Variants in ABHD18 observed in about 807,000 individuals in gnomAD.
ABHD18 encodes the protein abhydrolase domain containing 18.
A neutral mutation model predicts 65.9 loss-of-function variants in ABHD18; 55 were observed. That is an observed-to-expected ratio of 0.84 (90% CI 0.67 to 1.05). The LOEUF is 1.05. Ranked by LOEUF, ABHD18 falls within the 50% of genes least tolerant of loss-of-function variation. ABHD18 has a pLI of 0.00. For missense variants in ABHD18, 533 were observed against 558.5 expected, an observed-to-expected ratio of 0.95 and a Z score of 0.46; for synonymous variants, 181 against 180.2, an observed-to-expected ratio of 1.00 and a Z score of -0.04.
intron 1 of ABHD18, among the ~76,000 whole-genome samples, chr4:127,981,931 A>G (rs188022310): frequency 6.6e-6 from 1 of 152,310 alleles, no homozygotes; most frequent in Admixed American, 6.5e-5. Flanking sequence ...GAGAGGCAGT[A>G]TGAAAGACTT....
chr4:128,028,226 T>C (rs1757661200), intron 10 of ABHD18, among the ~76,000 whole-genome samples: 2 of 152,214 alleles, frequency 1.3e-5, no homozygotes, highest in Non-Finnish European at 2.9e-5. Context: ...AGTGGAATCA[T>C]ACAATATTTG....
chr4:127,979,541 C>G (rs1405728475), intron 1 of ABHD18, among the ~76,000 whole-genome samples: 1 of 151,580 alleles, frequency 6.6e-6, no homozygotes, highest in South Asian at 2.1e-4. Flanking sequence ...GGCGACAATG[C>G]GAGACTCTGT....
At chr4:127,967,750 G>A (rs1366244663) in intron 1 of ABHD18, among the ~76,000 whole-genome samples, 1 of 150,462 alleles carries the variant, frequency 6.6e-6, no homozygotes, top group Non-Finnish European at 1.5e-5. Flanking sequence ...CACACACATA[G>A]CATCCAAAGT....
intron 10 of ABHD18, among the ~76,000 whole-genome samples, chr4:128,023,611 A>G (rs1293498199): frequency 2.0e-5 from 3 of 151,436 alleles, no homozygotes; most frequent in African/African-American, 7.3e-5. Flanking sequence ...GCTGGGCGCA[A>G]TGGCTCACCC....
At chr4:127,970,668 G>A (rs1408391868) in intron 1 of ABHD18, among the ~76,000 whole-genome samples, 4 of 151,884 alleles carry the variant, frequency 2.6e-5, no homozygotes, top group Non-Finnish European at 5.9e-5. Context: ...CTATCTGGGT[G>A]CAGTTGCTCA....
At chr4:128,014,325 G>T (rs2149147434) in intron 7 of ABHD18, among the ~76,000 whole-genome samples, 1 of 152,142 alleles carries the variant, frequency 6.6e-6, no homozygotes, top group East Asian at 1.9e-4. Flanking sequence ...TTCAGAATTA[G>T]GTATGTAATT....
chr4:127,971,639 C>T (rs923039618), intron 1 of ABHD18, among the ~76,000 whole-genome samples: 4 of 151,688 alleles, frequency 2.6e-5, no homozygotes, highest in Admixed American at 6.6e-5. Context: ...TACAGGCACC[C>T]GCCACCACGC....
chr4:127,980,277 T>C (rs1048511058), intron 1 of ABHD18, among the ~76,000 whole-genome samples: 3 of 152,172 alleles, frequency 2.0e-5, no homozygotes, highest in Non-Finnish European at 4.4e-5. Flanking sequence ...TGTGATACCT[T>C]CCACCATGTT....
At chr4:127,996,261 C>T (rs545483505) in intron 4 of ABHD18, among the ~76,000 whole-genome samples, 4 of 152,002 alleles carry the variant, frequency 2.6e-5, no homozygotes, top group Non-Finnish European at 5.9e-5. Context: ...GGGAACCAGC[C>T]CCCAATATTT....
chr4:128,034,863 G>A (rs1758703618), intron 12 of ABHD18, among the ~76,000 whole-genome samples: 1 of 152,018 alleles, frequency 6.6e-6, no homozygotes, highest in African/African-American at 2.4e-5. Context: ...TGTTGATCAG[G>A]CTGGTCTCAA....
chr4:127,965,580 C>G lies in ABHD18; in HGVS notation c.-44C>G, dbSNP rs1745014368. On this transcript the variant is annotated 5_prime_UTR_variant, in exon 1 of 13. Coordinates refer to ENST00000645843, the MANE Select transcript of ABHD18 (RefSeq NM_001358451.3). ...GCGGTGCTGGGAGGCCCGGCCAGCT[C>G]GATCGCAGGCTTCCACCTGGCGGCC... 4.4e-6 allele frequency: 1 copy of G among 225,818 alleles called. No homozygotes were observed. Among genetic ancestry groups the G allele is most frequent in the Non-Finnish European group, 9.1e-6 (1 of 110,232 alleles). The allele number at this position is 225,818 out of a possible 1,614,324, so 14.0% of individuals were successfully genotyped here.
chr4:127,983,050 A>C lies in ABHD18; in HGVS notation c.92+3A>C. 6.5e-7 allele frequency: 1 copy of C among 1,548,566 alleles called. No individual in the cohort carries two copies. On this transcript the variant is annotated splice_donor_region_variant and intron_variant, in intron 2 of 12. Coordinates refer to ENST00000645843, the MANE Select transcript of ABHD18 (RefSeq NM_001358451.3). ...GGAAGGCCAGAAGATCTCAAAAGGC[A>C]AGCAATTTTTTTTCCTGAATACTTG...
chr4:127,975,690 G>T (rs1045848588), intron 1 of ABHD18, among the ~76,000 whole-genome samples: 1 of 152,110 alleles, frequency 6.6e-6, no homozygotes, highest in Non-Finnish European at 1.5e-5. Flanking sequence ...TAGATAACTA[G>T]TGTTTACTTT....
Position 128,030,519 on chromosome 4 carries a change from A to G in ABHD18, c.1190A>G (p.Asp397Gly). The G allele has an allele frequency of 6.4e-7, 1 of 1,562,728 alleles. No homozygotes were observed. Among genetic ancestry groups the G allele is most frequent in the Non-Finnish European group, 8.6e-7 (1 of 1,164,214 alleles). ...THVANFSVPVDPSLIIVVQAK... is the reference protein window; with the variant it reads ...THVANFSVPVGPSLIIVVQAK... ...AAAATCCTATACCTAGTCCCAGTTG[A>G]TCCAAGCCTCATTATAGTGGTTCAA... is the stretch of plus-strand genomic sequence containing the variant. The change falls in exon 12 of 13, where the codon GAT (aspartate) becomes GGT (glycine). Residue 397 changes from aspartate to glycine, a missense_variant. Physicochemically the swap from Asp to Gly is moderately conservative, Grantham distance 94 (BLOSUM62 -1). Transcript: ENST00000645843.
chr4:127,965,569 C>A lies in ABHD18; in HGVS notation c.-55C>A, dbSNP rs1445857128. On this transcript the variant is annotated 5_prime_UTR_variant, in exon 1 of 13. Coordinates refer to ENST00000645843, the MANE Select transcript of ABHD18 (RefSeq NM_001358451.3). ...CCTGGAGAGCGGCGGTGCTGGGAGG[C>A]CCGGCCAGCTCGATCGCAGGCTTCC... The A allele has an allele frequency of 2.5e-5, 6 of 243,988 alleles. No individual in the cohort carries two copies. The highest frequency in any genetic ancestry group is 1.1e-4 in the African/African-American group (5 of 44,390). 15.1% of individuals were successfully genotyped at this position (243,988 alleles called of 1,614,324 possible).
chr4:127,975,209 A>G (rs1474674336), intron 1 of ABHD18, among the ~76,000 whole-genome samples: 1 of 152,078 alleles, frequency 6.6e-6, no homozygotes, highest in Non-Finnish European at 1.5e-5. Context: ...AAAGGTAAGT[A>G]TATTTATATT....
intron 7 of ABHD18, among the ~76,000 whole-genome samples, chr4:128,016,336 T>A (rs1273339785): frequency 2.6e-5 from 4 of 152,178 alleles, no homozygotes; most frequent in African/African-American, 9.6e-5. Flanking sequence ...TTAAAACATG[T>A]ATATTTATAA....
chr4:127,983,452 CA>C (rs2149071940), intron 2 of ABHD18, among the ~76,000 whole-genome samples: 1 of 152,306 alleles, frequency 6.6e-6, no homozygotes, highest in African/African-American at 2.4e-5. Context: ...AATTAATTTT[CA>C]GCCAGGATTG....
At chr4:128,028,378 C>T in intron 10 of ABHD18, 97 bp from the exon 11 acceptor site, 1 of 870,372 alleles carries the variant, frequency 1.1e-6, no homozygotes, top group Non-Finnish European at 1.7e-6. Context: ...TCCATTTATT[C>T]ATTGATGGAC....
Sources: gnomAD v4.1 joint callset for allele counts (sites outside exome capture counted in the v4.1 genomes callset) on GRCh38, gnomAD v4.1.1 for gene constraint, MANE v1.5 for transcripts, NCBI Gene and HGNC (gene_info 2026-07-23, HGNC 2026-07-21) for gene names.